MAN1C1: variants seen among roughly 807,000 people sequenced by gnomAD.
The protein encoded by MAN1C1 is mannosidase alpha class 1C member 1, also known as mannosyl-oligosaccharide 1,2-alpha-mannosidase IC.
MAN1C1 carries 49 observed loss-of-function variants against 71.5 expected under a neutral mutation model. That is an observed-to-expected ratio of 0.69 (90% CI 0.54 to 0.87). The LOEUF (loss-of-function observed/expected upper bound fraction) is 0.87. Among genes scored for constraint, MAN1C1 ranks in the 40% least tolerant of loss-of-function variants. MAN1C1 has a pLI of 0.00. For missense variants in MAN1C1, 743 were observed against 835.0 expected (o/e 0.89, Z 1.36); for synonymous variants, 352 against 343.7 (o/e 1.02, Z -0.27).
intron 2 of MAN1C1, among the ~76,000 whole-genome samples, chr1:25,692,514 C>T (rs1488121818): frequency 1.3e-5 from 2 of 152,188 alleles, no homozygotes; most frequent in Non-Finnish European, 1.5e-5. Flanking sequence ...GCGTCCAGCC[C>T]ATAGCTGTAT....
chr1:25,669,434 C>T (rs935600388), intron 1 of MAN1C1, among the ~76,000 whole-genome samples: 1 of 152,048 alleles, frequency 6.6e-6, no homozygotes, highest in African/African-American at 2.4e-5. Flanking sequence ...AATATGTGAT[C>T]ACATCTGGCA....
At chr1:25,699,680 C>T (rs1427747587) in intron 2 of MAN1C1, among the ~76,000 whole-genome samples, 1 of 152,200 alleles carries the variant, frequency 6.6e-6, no homozygotes, top group East Asian at 1.9e-4. Context: ...CCTAAAATAG[C>T]AGGTGATTGG....
intron 1 of MAN1C1, among the ~76,000 whole-genome samples, chr1:25,632,443 A>T (rs915029998): frequency 2.0e-5 from 3 of 151,982 alleles, no homozygotes; most frequent in Non-Finnish European, 4.4e-5. Flanking sequence ...TTATCTTTTC[A>T]AAGAACCAGC....
chr1:25,719,037 A>G (rs1441153659), intron 2 of MAN1C1, among the ~76,000 whole-genome samples: 1 of 148,572 alleles, frequency 6.7e-6, no homozygotes, highest in Non-Finnish European at 1.5e-5. Flanking sequence ...CATTTTCTCT[A>G]TATCTTTCCA....
chr1:25,778,313 ACG>A lies in MAN1C1; in HGVS notation c.1468_1469del (p.Ala490ProfsTer9). On this transcript the variant is annotated frameshift_variant, in exon 9 of 12. Transcript: ENST00000374332. LOFTEE classifies it high-confidence loss of function. This position sits in a 1 kb window ranked among gnomAD's most constrained non-coding sequence, Gnocchi z 5.5. ...ATCACCAAGACGTGTCACGAGTCAT[ACG>A]CCCGCTCAGGTAACCCTGCAAGGGG... is the stretch of plus-strand genomic sequence containing the variant. 1 of 1,610,020 alleles carries A rather than the reference ACG, an allele frequency of 6.2e-7. No homozygotes were observed. The highest frequency in any genetic ancestry group is 8.5e-7 in the Non-Finnish European group (1 of 1,177,404).
At chr1:25,674,139 A>G (rs2046032049) in intron 1 of MAN1C1, among the ~76,000 whole-genome samples, 1 of 152,184 alleles carries the variant, frequency 6.6e-6, no homozygotes, top group Non-Finnish European at 1.5e-5. Flanking sequence ...TGCACGCTGC[A>G]CCAAGACCAA....
At chr1:25,626,225 A>C (rs2045291254) in intron 1 of MAN1C1, among the ~76,000 whole-genome samples, 1 of 152,194 alleles carries the variant, frequency 6.6e-6, no homozygotes, top group African/African-American at 2.4e-5. Flanking sequence ...AGAGTTCCGC[A>C]TCCTTGCCAA....
At chr1:25,752,748 G>A (rs984286140) in intron 4 of MAN1C1, among the ~76,000 whole-genome samples, 2 of 152,240 alleles carry the variant, frequency 1.3e-5, no homozygotes, top group African/African-American at 2.4e-5. Context: ...GTGAGGCCTG[G>A]GACCTCGCTG....
chr1:25,631,516 T>C lies in MAN1C1; in HGVS notation c.540+13179T>C, dbSNP rs1224385625. On this transcript the variant is annotated intron_variant, in intron 1 of 11. Coordinates refer to ENST00000374332, the MANE Select transcript of MAN1C1 (RefSeq NM_020379.4). This position sits in a 1 kb window ranked among gnomAD's most constrained non-coding sequence, Gnocchi z 4.2. ...TATTGAGATGATCGTATGGTTTTTG[T>C]TTTTAATTCTGTTTATGTGATATAT... 4.6e-5 allele frequency among the ~76,000 whole-genome samples: 7 copies of C among 152,214 alleles called. No individual in the cohort carries two copies. The highest frequency in any genetic ancestry group is 1.0e-4 in the Non-Finnish European group (7 of 68,042).
At chr1:25,702,923 C>T (rs1224928424) in intron 2 of MAN1C1, among the ~76,000 whole-genome samples, 2 of 152,216 alleles carry the variant, frequency 1.3e-5, no homozygotes, top group African/African-American at 4.8e-5. Context: ...CCCTGGGACT[C>T]AGACTCTGTG....
At chr1:25,777,279 C>A (rs1037207538) in intron 8 of MAN1C1, among the ~76,000 whole-genome samples, 2 of 152,176 alleles carry the variant, frequency 1.3e-5, no homozygotes, top group African/African-American at 4.8e-5. Context: ...CCAGGCCCCA[C>A]CAGCCCATGG....
At chr1:25,680,978 T>C (rs574833921) in intron 1 of MAN1C1, among the ~76,000 whole-genome samples, 2 of 151,856 alleles carry the variant, frequency 1.3e-5, no homozygotes, top group African/African-American at 4.8e-5. Context: ...TCCCAGCACT[T>C]TGGGAAGCGA....
rs1425851758 is a variant in MAN1C1 at position 25,618,066 on chromosome 1, C to G, written c.269C>G (p.Ala90Gly). The G allele has an allele frequency of 6.5e-7, 1 of 1,544,934 alleles. No homozygotes were observed. Among genetic ancestry groups the G allele is most frequent in the Admixed American group, 1.9e-5 (1 of 51,658 alleles). The change falls in exon 1 of 12, where the codon GCC becomes GGC. Residue 90 changes from alanine (A) to glycine (G), a missense_variant. Coordinates refer to ENST00000374332, the MANE Select transcript of MAN1C1 (RefSeq NM_020379.4). Reference sequence around the variant, plus strand: ...CCCAACCCGGCCCCCGCCGCGCCGGCCCCGGGCGAGGATGACCCCAGCAGC... The same window carrying G: ...CCCAACCCGGCCCCCGCCGCGCCGGGCCCGGGCGAGGATGACCCCAGCAGC... ...PPPNPAPAAP[A>G]PGEDDPSSWA...
chr1:25,660,073 A>G (rs1437182710), intron 1 of MAN1C1, among the ~76,000 whole-genome samples: 2 of 152,194 alleles, frequency 1.3e-5, no homozygotes, highest in Non-Finnish European at 2.9e-5. Context: ...GACTTAGGAA[A>G]GTGATAGAGA....
At chr1:25,664,260 GT>G (rs3841828) in intron 1 of MAN1C1, among the ~76,000 whole-genome samples, 6,717 of 146,122 alleles carry the variant, frequency 0.046, 380 homozygotes, top group East Asian at 0.22. Context: ...AACCCTACTA[GT>G]TTTTTTTTTT....
intron 2 of MAN1C1, among the ~76,000 whole-genome samples, chr1:25,715,401 G>A (rs560198924): frequency 6.6e-6 from 1 of 152,240 alleles, no homozygotes; most frequent in South Asian, 2.1e-4. Context: ...TCAGGGACCC[G>A]TCAACTAGAG....
chr1:25,757,324 G>A (rs768903983), intron 5 of MAN1C1, among the ~76,000 whole-genome samples: 4 of 152,188 alleles, frequency 2.6e-5, no homozygotes, highest in African/African-American at 2.4e-5. Context: ...AGAGCCAGTC[G>A]CTCAACCTGC....
At chr1:25,714,788 G>A (rs1252512867) in intron 2 of MAN1C1, among the ~76,000 whole-genome samples, 3 of 152,196 alleles carry the variant, frequency 2.0e-5, no homozygotes, top group Non-Finnish European at 2.9e-5. Context: ...TCTAAAGGAA[G>A]TGGAGTTAAT....
intron 1 of MAN1C1, among the ~76,000 whole-genome samples, chr1:25,642,250 A>G (rs1302529821): frequency 1.3e-5 from 2 of 152,210 alleles, no homozygotes; most frequent in East Asian, 3.8e-4. Flanking sequence ...AGGGCCTTAC[A>G]GAGATCCTGA....
Sources: allele counts gnomAD v4.1 joint callset (sites outside exome capture counted in the v4.1 genomes callset), GRCh38; gene constraint gnomAD v4.1.1; non-coding constraint Gnocchi (gnomAD v3.1); transcripts MANE v1.5; gene names NCBI Gene and HGNC (gene_info 2026-07-23, HGNC 2026-07-21).